L3MBTL3: variants seen among roughly 807,000 people sequenced by gnomAD.
L3MBTL3 encodes the protein L3MBTL histone methyl-lysine binding protein 3.
A neutral mutation model predicts 102.3 loss-of-function variants in L3MBTL3; 27 were observed. The ratio of observed to expected loss-of-function variants is 0.26; its 90% CI spans 0.19 to 0.36. L3MBTL3 has a LOEUF of 0.36. Ranked by LOEUF, L3MBTL3 falls within the 10% of genes least tolerant of loss-of-function variation. The probability of loss-of-function intolerance (pLI) is 1.00; values close to 1 mark genes in which losing one functional copy is unlikely to be tolerated. For missense variants in L3MBTL3, 798 were observed against 955.3 expected, an observed-to-expected ratio of 0.84 and a Z score of 2.17; for synonymous variants, 340 against 320.9, an observed-to-expected ratio of 1.06 and a Z score of -0.64.
At position 130,139,796 on chromosome 6, in the gene L3MBTL3, TC is replaced by T; in HGVS notation, c.*44del. On this transcript the variant is annotated 3_prime_UTR_variant, in exon 23 of 23. Coordinates refer to ENST00000361794, the MANE Select transcript of L3MBTL3 (RefSeq NM_032438.4). ...TACCATCAGCATTCTGCTTTAAAGCTCATGTTTTATTCAAAGCACAAGGACG... is the reference window on the plus strand; with the variant it reads ...TACCATCAGCATTCTGCTTTAAAGCTATGTTTTATTCAAAGCACAAGGACG... 1.9e-6 allele frequency: 3 copies of T among 1,591,496 alleles called. No individual in the cohort carries two copies. Among genetic ancestry groups the T allele is most frequent in the Non-Finnish European group, 2.6e-6 (3 of 1,165,074 alleles).
intron 5 of L3MBTL3, 67 bp from the exon 6 acceptor site, chr6:130,051,182 G>A (rs1027465293): frequency 3.0e-6 from 4 of 1,338,300 alleles, no homozygotes; most frequent in African/African-American, 1.5e-5. Context: ...AGAAGAAAAA[G>A]TTTGATTGTA....
At position 130,133,420 on chromosome 6, in the gene L3MBTL3, A is replaced by G. The variant is rs1233087002; in HGVS notation, c.1967-32A>G. On this transcript the variant is annotated intron_variant, in intron 20 of 22. Coordinates refer to ENST00000361794, the MANE Select transcript of L3MBTL3 (RefSeq NM_032438.4). This position sits in a 1 kb window ranked among gnomAD's most constrained non-coding sequence, Gnocchi z 4.9. ...TTTGGGGCTTTCTTGCTGCTTTCAG[A>G]GAGTGATTTCCCATTTGTTTTCATT... 1 of 1,607,814 alleles carries G rather than the reference A, an allele frequency of 6.2e-7. No homozygotes were observed. Among genetic ancestry groups the G allele is most frequent in the South Asian group, 1.1e-5 (1 of 90,810 alleles).
At position 130,078,624 on chromosome 6, in the gene L3MBTL3, T is replaced by C. The variant is rs754851545; in HGVS notation, c.1311T>C (p.Ile437=). ...GWCKEHRRTL[I]TPPGYPNVKH... is the part of the protein sequence containing the mutation. ...GTAAGGAACATAGAAGAACCCTTATTACTCCACCAGGTGTGTGTTTTTTTA... is the reference window on the plus strand; with the variant it reads ...GTAAGGAACATAGAAGAACCCTTATCACTCCACCAGGTGTGTGTTTTTTTA... The change falls in exon 14 of 23, where the codon ATT becomes ATC. Residue 437 remains isoleucine, a synonymous_variant. Transcript: ENST00000361794. 6.2e-7 allele frequency: 1 copy of C among 1,603,854 alleles called. No individual in the cohort carries two copies. Among genetic ancestry groups the C allele is most frequent in the Admixed American group, 1.7e-5 (1 of 59,790 alleles).
chr6:130,126,790 A>G (rs1276724615), intron 20 of L3MBTL3, among the ~76,000 whole-genome samples: 1 of 151,922 alleles, frequency 6.6e-6, no homozygotes, highest in East Asian at 1.9e-4. Flanking sequence ...CTGAAGGTTC[A>G]CTGAGATGAC....
intron 18 of L3MBTL3, among the ~76,000 whole-genome samples, chr6:130,103,294 A>G (rs1784806556): frequency 6.6e-6 from 1 of 152,238 alleles, no homozygotes; most frequent in Non-Finnish European, 1.5e-5. Context: ...GATAGATACC[A>G]GTGTAGACTA....
intron 3 of L3MBTL3, among the ~76,000 whole-genome samples, chr6:130,044,069 T>A (rs1780588953): frequency 6.6e-6 from 1 of 152,178 alleles, no homozygotes; most frequent in Non-Finnish European, 1.5e-5. Context: ...CAAATATTCA[T>A]CTGGATAAGA....
At chr6:130,045,319 G>A (rs1045744253) in intron 3 of L3MBTL3, among the ~76,000 whole-genome samples, 7 of 152,048 alleles carry the variant, frequency 4.6e-5, no homozygotes, top group South Asian at 2.1e-4. Flanking sequence ...CCTTGTTACT[G>A]TTCCCTGTTG....
chr6:130,048,525 TGAAAG>T, intron 3 of L3MBTL3, among the ~76,000 whole-genome samples: 1 of 152,232 alleles, frequency 6.6e-6, no homozygotes. Context: ...TGCTGTCAGG[TGAAAG>T]GAAATTTTCA....
At position 130,042,787 on chromosome 6, in the gene L3MBTL3, G is replaced by T; in HGVS notation, c.88G>T (p.Gly30Ter). 6.2e-7 allele frequency: 1 copy of T among 1,610,860 alleles called. No homozygotes were observed. The highest frequency in any genetic ancestry group is 8.5e-7 in the Non-Finnish European group (1 of 1,177,112). Residue 30 changes from glycine (G) to a stop codon, truncating the protein, a stop_gained, in exon 3 of 23, where the codon GGA becomes TGA. Transcript: ENST00000361794. LOFTEE classifies it high-confidence loss of function. Reference sequence around the variant, plus strand: ...GAAAGATGGAGTGGGCACGTTACCAGGAAGTGACTTAAAGGTAAACCCTCT... The same window carrying T: ...GAAAGATGGAGTGGGCACGTTACCATGAAGTGACTTAAAGGTAAACCCTCT... ...DWKDGVGTLP[G>*]SDLKFRVNEF... is the part of the protein sequence containing the mutation.
intron 19 of L3MBTL3, among the ~76,000 whole-genome samples, chr6:130,119,661 A>G (rs895522493): frequency 6.6e-6 from 1 of 152,186 alleles, no homozygotes; most frequent in South Asian, 2.1e-4. Context: ...GAGCAAGTAT[A>G]CTTCAGCAGT....
At position 130,120,465 on chromosome 6, in the gene L3MBTL3, C is replaced by A. The variant is rs1166790502; in HGVS notation, c.1887-414C>A. The stretch of plus-strand genomic sequence containing the variant: ...CCCCCAAGCCAGTCTTAGCCTCCAT[C>A]CAAATCCCAGTGCTGAGTCGTATAT... On this transcript the variant is annotated intron_variant, in intron 19 of 22. Transcript: ENST00000361794. Among the ~76,000 whole-genome samples, 3 of 152,208 alleles carry A rather than the reference C, an allele frequency of 2.0e-5. No homozygotes were observed. The South Asian group carries it at 6.2e-4, about 32-fold the overall frequency.
chr6:130,135,723 G>A (rs1276538081), intron 22 of L3MBTL3, among the ~76,000 whole-genome samples: 3 of 152,198 alleles, frequency 2.0e-5, no homozygotes, highest in Middle Eastern at 3.4e-3. Context: ...ATTCTCTGTC[G>A]ATATGAATTA....
Position 130,042,685 on chromosome 6 carries a change from G to A in L3MBTL3, c.-15G>A. The A allele has an allele frequency of 6.3e-7, 1 of 1,577,884 alleles. No individual in the cohort carries two copies. Among genetic ancestry groups the A allele is most frequent in the African/African-American group, 1.3e-5 (1 of 74,262 alleles). On this transcript the variant is annotated splice_region_variant and 5_prime_UTR_variant, in exon 3 of 23. Transcript: ENST00000361794. ...GATATGCCTTCTTTTCCCCTTTCAG[G>A]TTAAAAAATAAATCATGACTGAATC... is the stretch of plus-strand genomic sequence containing the variant.
At chr6:130,081,856 T>C (rs975729226) in intron 14 of L3MBTL3, among the ~76,000 whole-genome samples, 2 of 152,204 alleles carry the variant, frequency 1.3e-5, no homozygotes, top group Admixed American at 6.5e-5. Context: ...CCTAGTGATG[T>C]TATTCCTAGC....
At chr6:130,088,203 T>C (rs1323932962) in intron 16 of L3MBTL3, among the ~76,000 whole-genome samples, 1 of 152,172 alleles carries the variant, frequency 6.6e-6, no homozygotes, top group African/African-American at 2.4e-5. Flanking sequence ...CAATTATCTT[T>C]TGGTAATTAC....
chr6:130,044,405 A>G (rs1780607829), intron 3 of L3MBTL3, among the ~76,000 whole-genome samples: 1 of 152,204 alleles, frequency 6.6e-6, no homozygotes, highest in South Asian at 2.1e-4. Context: ...TTTTTTAAAA[A>G]AAACTGTCAC....
At chr6:130,092,909 A>T (rs773342861) in intron 17 of L3MBTL3, 50 bp downstream of exon 17, 7 of 1,129,640 alleles carry the variant, frequency 6.2e-6, no homozygotes, top group Non-Finnish European at 9.4e-6. Flanking sequence ...CATATGTAGC[A>T]TTCTTAAGAT....
intron 22 of L3MBTL3, among the ~76,000 whole-genome samples, chr6:130,134,378 C>T (rs1425686220): frequency 6.6e-6 from 1 of 152,120 alleles, no homozygotes; most frequent in Non-Finnish European, 1.5e-5. Context: ...AAGTCATATA[C>T]ATTCCTCAAT....
At chr6:130,051,189 T>G (rs950533592) in intron 5 of L3MBTL3, 60 bp from the exon 6 acceptor site, 4 of 1,398,216 alleles carry the variant, frequency 2.9e-6, no homozygotes, top group Non-Finnish European at 4.0e-6. Context: ...AAAGTTTGAT[T>G]GTATTTTAGA....
Sources: allele counts gnomAD v4.1 joint callset (sites outside exome capture counted in the v4.1 genomes callset), GRCh38; gene constraint gnomAD v4.1.1; non-coding constraint Gnocchi (gnomAD v3.1); transcripts MANE v1.5; gene names NCBI Gene and HGNC (gene_info 2026-07-23, HGNC 2026-07-21).